The following GALNT17 variants were observed in gnomAD, a reference collection of about 807,000 sequenced individuals.
GALNT17 encodes UDP-GalNAc:polypeptide N-acetylgalactosaminyltransferase-like 3.
Under a neutral mutation model 63.7 loss-of-function variants are expected in GALNT17, and 29 were observed. The ratio of observed to expected loss-of-function variants is 0.46; its 90% confidence interval spans 0.34 to 0.62. GALNT17 has a LOEUF of 0.62. Among genes scored for constraint, GALNT17 ranks in the 20% least tolerant of loss-of-function variants. The probability of loss-of-function intolerance (pLI) is 0.01; values close to 1 mark genes in which losing one functional copy is unlikely to be tolerated. For missense variants in GALNT17, 603 were observed against 799.6 expected, an observed-to-expected ratio of 0.75 and a Z score of 2.97; for synonymous variants, 305 against 318.3, an observed-to-expected ratio of 0.96 and a Z score of 0.45.
At position 71,666,805 on chromosome 7, in the gene GALNT17, T is replaced by TG. The variant is rs1554321517; in HGVS notation, c.1266+1209_1266+1210insG. On this transcript the variant is annotated intron_variant, in intron 7 of 10. Transcript: ENST00000333538. ...GTAAATAATTCTTATGCTTTATTTGTATTTTTTATTGTTGTATTGTTCTTA... is the reference window on the plus strand; with the variant it reads ...GTAAATAATTCTTATGCTTTATTTGTGATTTTTTATTGTTGTATTGTTCTTA... Among the ~76,000 whole-genome samples the TG allele has an allele frequency of 2.6e-3, 241 of 92,952 alleles. 1 individual carries two copies. Among genetic ancestry groups the TG allele is most frequent in the African/African-American group, 0.011 (222 of 19,676 alleles). 61.0% of individuals were successfully genotyped at this position (92,952 alleles called of 152,430 possible).
chr7:71,361,874 T>C (rs1792408449), intron 2 of GALNT17, among the ~76,000 whole-genome samples: 1 of 152,160 alleles, frequency 6.6e-6, no homozygotes, highest in South Asian at 2.1e-4. Context: ...CGTTTGTTTA[T>C]GTGATTGAAC....
At chr7:71,151,679 A>G (rs1359208147) in intron 1 of GALNT17, among the ~76,000 whole-genome samples, 2 of 151,782 alleles carry the variant, frequency 1.3e-5, no homozygotes, top group Non-Finnish European at 2.9e-5. Context: ...TGTTACTAGT[A>G]CTCTATTTAC....
At chr7:71,460,097 G>A (rs1787426371) in intron 5 of GALNT17, among the ~76,000 whole-genome samples, 1 of 152,070 alleles carries the variant, frequency 6.6e-6, no homozygotes, top group South Asian at 2.1e-4. Context: ...GCTGTACCCC[G>A]ACCACCTTGG....
chr7:71,457,155 A>C (rs1200824093), intron 5 of GALNT17, among the ~76,000 whole-genome samples: 1 of 152,202 alleles, frequency 6.6e-6, no homozygotes, highest in Non-Finnish European at 1.5e-5. Flanking sequence ...AAGATAAGCT[A>C]TCCGTTTACA....
intron 6 of GALNT17, among the ~76,000 whole-genome samples, chr7:71,631,620 A>G (rs1207913192): frequency 2.0e-5 from 3 of 152,166 alleles, no homozygotes; most frequent in African/African-American, 7.2e-5. Flanking sequence ...AGGAAGAGCA[A>G]GGAGGCCACT....
chr7:71,652,592 A>G (rs900362828), intron 6 of GALNT17, among the ~76,000 whole-genome samples: 6 of 152,206 alleles, frequency 3.9e-5, no homozygotes, highest in Admixed American at 1.3e-4. Context: ...TCTTTGCCAG[A>G]AACCTGTGTT....
At chr7:71,517,296 C>A (rs1168192676) in intron 5 of GALNT17, among the ~76,000 whole-genome samples, 4 of 152,160 alleles carry the variant, frequency 2.6e-5, no homozygotes, top group Non-Finnish European at 5.9e-5. Flanking sequence ...CTTCTTCTTA[C>A]AGGATACTAA....
chr7:71,231,866 A>T lies in GALNT17; in HGVS notation c.238+98826A>T, dbSNP rs1337208499. Among the ~76,000 whole-genome samples the T allele has an allele frequency of 1.3e-5, 2 of 151,952 alleles. 1 individual carries two copies. The highest frequency in any genetic ancestry group is 2.9e-5 in the Non-Finnish European group (2 of 67,998). ...CACCCTCATGACACCATCTAAACCT[A>T]ATTACCTCCCAAAGGCCCCACCTTC... On this transcript the variant is annotated intron_variant, in intron 1 of 10. Coordinates refer to ENST00000333538, the MANE Select transcript of GALNT17 (RefSeq NM_022479.3).
At chr7:71,601,498 G>C (rs1324897305) in intron 6 of GALNT17, among the ~76,000 whole-genome samples, 2 of 152,100 alleles carry the variant, frequency 1.3e-5, no homozygotes, top group South Asian at 4.2e-4. Flanking sequence ...GAGGGGGTGA[G>C]TTGGTAGAAA....
At chr7:71,455,323 G>T (rs981472112) in intron 5 of GALNT17, among the ~76,000 whole-genome samples, 8 of 152,116 alleles carry the variant, frequency 5.3e-5, no homozygotes, top group African/African-American at 1.9e-4. Flanking sequence ...ATGGCAGTTA[G>T]GGAGGGGGAG....
At chr7:71,581,600 G>A (rs919188437) in intron 6 of GALNT17, among the ~76,000 whole-genome samples, 6 of 152,114 alleles carry the variant, frequency 3.9e-5, no homozygotes, top group Admixed American at 3.9e-4. Flanking sequence ...TACAATTCAC[G>A]ATGGGATTTG....
chr7:71,631,478 A>G (rs943201155), intron 6 of GALNT17, among the ~76,000 whole-genome samples: 1 of 152,068 alleles, frequency 6.6e-6, no homozygotes, highest in Non-Finnish European at 1.5e-5. Flanking sequence ...GTGAGCCACC[A>G]TGCCCAGACT....
At chr7:71,538,034 G>A (rs1050711460) in intron 5 of GALNT17, among the ~76,000 whole-genome samples, 1 of 152,082 alleles carries the variant, frequency 6.6e-6, no homozygotes, top group Non-Finnish European at 1.5e-5. Flanking sequence ...AGCCTACAGA[G>A]AACTCTAAGA....
In GALNT17 at chr7:71,711,870, CTT is replaced by C. The variant is rs1791798505; in HGVS notation, c.1669-146_1669-145del. ...TCCTCTTTCTGTCTTCTCTTTGCCTCTTTCTCTGTCTCTCTCTTTCTCTTCTC... is the reference window on the plus strand; with the variant it reads ...TCCTCTTTCTGTCTTCTCTTTGCCTCTCTCTGTCTCTCTCTTTCTCTTCTC... On this transcript the variant is annotated intron_variant, in intron 10 of 10. Coordinates refer to ENST00000333538, the MANE Select transcript of GALNT17 (RefSeq NM_022479.3). The C allele has an allele frequency of 4.7e-6, 4 of 843,036 alleles. No homozygotes were observed. The South Asian group carries it at 5.1e-5, about 11-fold the overall frequency. The allele number at this position is 843,036 out of a possible 1,614,324, so 52.2% of individuals were successfully genotyped here.
At chr7:71,515,675 C>G (rs1045982713) in intron 5 of GALNT17, among the ~76,000 whole-genome samples, 1 of 152,182 alleles carries the variant, frequency 6.6e-6, no homozygotes, top group African/African-American at 2.4e-5. Context: ...TTATCACCTT[C>G]CTCATTCAGA....
intron 3 of GALNT17, among the ~76,000 whole-genome samples, chr7:71,397,733 CTG>C (rs1793163929): frequency 6.6e-6 from 1 of 152,182 alleles, no homozygotes; most frequent in South Asian, 2.1e-4. Context: ...GTGCTGTCTC[CTG>C]TGCTCTTCTC....
intron 1 of GALNT17, among the ~76,000 whole-genome samples, chr7:71,321,728 C>A (rs1037333205): frequency 6.6e-6 from 1 of 151,528 alleles, no homozygotes; most frequent in Non-Finnish European, 1.5e-5. Flanking sequence ...TTGCCTCAGC[C>A]TCTATATTGG....
chr7:71,269,141 G>A (rs532308751), intron 1 of GALNT17, among the ~76,000 whole-genome samples: 1 of 152,280 alleles, frequency 6.6e-6, no homozygotes, highest in South Asian at 2.1e-4. Context: ...ACTGCCAAGA[G>A]GTAACAAAGG....
At chr7:71,267,277 C>G (rs1324086401) in intron 1 of GALNT17, among the ~76,000 whole-genome samples, 1 of 152,162 alleles carries the variant, frequency 6.6e-6, no homozygotes, top group Admixed American at 6.5e-5. Flanking sequence ...TGGCTATTGC[C>G]AGGATGCCCT....
Sources: allele counts gnomAD v4.1 joint callset (sites outside exome capture counted in the v4.1 genomes callset), GRCh38; gene constraint gnomAD v4.1.1; transcripts MANE v1.5; gene names NCBI Gene and HGNC (gene_info 2026-07-23, HGNC 2026-07-21).